PLSCR5: variants seen among roughly 807,000 people sequenced by gnomAD.
The protein encoded by PLSCR5 is phospholipid scramblase family, member 5.
PLSCR5 carries 44 observed loss-of-function variants against 33.6 expected under a neutral mutation model. That is an observed-to-expected ratio of 1.31 (90% CI 1.03 to 1.69). The LOEUF (loss-of-function observed/expected upper bound fraction) is 1.69, where lower values mean the gene tolerates loss of function less well. Ranked by LOEUF, PLSCR5 falls within the 40% of genes most tolerant of loss-of-function variation. PLSCR5 has a pLI of 0.00. For missense variants in PLSCR5, 375 were observed against 318.7 expected (o/e 1.18, Z -1.34); for synonymous variants, 148 against 112.3 (o/e 1.32, Z -2.01).
chr3:146,603,742 A>C (rs1178548894), intron 1 of PLSCR5, among the ~76,000 whole-genome samples: 1 of 152,122 alleles, frequency 6.6e-6, no homozygotes, highest in Non-Finnish European at 1.5e-5. Flanking sequence ...TACAGTCTAC[A>C]GTATTGCTGT....
rs567026088 is a variant in PLSCR5 at position 146,599,877 on chromosome 3, G to A, written c.189+411C>T. On this transcript the variant is annotated intron_variant, in intron 2 of 7. Coordinates refer to ENST00000443512, the MANE Select transcript of PLSCR5 (RefSeq NM_001085420.2). ...TAGAGACAGGGTTGTATCATGTTGC[G>A]CAGCCTGGTCTGGAACTCCTGGCTT... 5.3e-5 allele frequency among the ~76,000 whole-genome samples: 8 copies of A among 151,882 alleles called. No homozygotes were observed. In the East Asian group the frequency reaches 9.7e-4, roughly 18 times the overall value.
intron 6 of PLSCR5, among the ~76,000 whole-genome samples, chr3:146,588,652 G>A (rs1435956617): frequency 1.3e-5 from 2 of 152,052 alleles, no homozygotes; most frequent in African/African-American, 4.8e-5. Context: ...TCATGATCTT[G>A]GATTTTCTAT....
At chr3:146,591,988 T>A (rs2044720126) in intron 4 of PLSCR5, 107 bp from the exon 5 acceptor site, 1 of 987,758 alleles carries the variant, frequency 1.0e-6, no homozygotes, top group Non-Finnish European at 1.4e-6. Context: ...AAAATTATTT[T>A]GATATTCTAC....
intron 6 of PLSCR5, among the ~76,000 whole-genome samples, chr3:146,587,993 A>G (rs1420329371): frequency 6.6e-6 from 1 of 152,058 alleles, no homozygotes; most frequent in Non-Finnish European, 1.5e-5. Context: ...GACTCAGTAA[A>G]TAGGGCATTA....
chr3:146,581,389 A>G (rs1268171733), downstream of PLSCR5, among the ~76,000 whole-genome samples: 1 of 152,184 alleles, frequency 6.6e-6, no homozygotes, highest in Non-Finnish European at 1.5e-5. Context: ...ACTCTATTCT[A>G]TGTAAGCTCC....
At chr3:146,587,453 G>A (rs901584636) in intron 6 of PLSCR5, among the ~76,000 whole-genome samples, 2 of 152,144 alleles carry the variant, frequency 1.3e-5, no homozygotes, top group Non-Finnish European at 2.9e-5. Flanking sequence ...GAGTAGGGCA[G>A]ATTAAAAAGG....
chr3:146,597,407 T>G (rs966276692), intron 2 of PLSCR5, among the ~76,000 whole-genome samples: 1 of 152,162 alleles, frequency 6.6e-6, no homozygotes, highest in Non-Finnish European at 1.5e-5. Context: ...AATTCTGACA[T>G]GCATTCTATT....
downstream of PLSCR5, among the ~76,000 whole-genome samples, chr3:146,584,854 T>G (rs1442473655): frequency 1.3e-5 from 2 of 152,178 alleles, no homozygotes; most frequent in African/African-American, 4.8e-5. Context: ...CTAACTTGAC[T>G]AACTTAGTAA....
In PLSCR5 at chr3:146,596,684, T is replaced by A. The variant is rs562393131; in HGVS notation, c.190-1601A>T. On this transcript the variant is annotated intron_variant, in intron 2 of 7. Coordinates refer to ENST00000443512, the MANE Select transcript of PLSCR5 (RefSeq NM_001085420.2). ...AACTATTAAACTAACCAGTCATTACTAAAATTTGGTATTGATTGGACATCA... is the reference window on the plus strand; with the variant it reads ...AACTATTAAACTAACCAGTCATTACAAAAATTTGGTATTGATTGGACATCA... Among the ~76,000 whole-genome samples, 8 of 152,334 alleles carry A rather than the reference T, an allele frequency of 5.3e-5. No homozygotes were observed. In the East Asian group the frequency reaches 1.5e-3, roughly 29 times the overall value.
At chr3:146,579,123 A>G (rs1359431912) in intron 7 of PLSCR5, among the ~76,000 whole-genome samples, 1 of 151,940 alleles carries the variant, frequency 6.6e-6, no homozygotes, top group Admixed American at 6.5e-5. Flanking sequence ...CCTATTTTTA[A>G]TGGCAAAAAT....
At chr3:146,583,283 C>T (rs1446326404), downstream of PLSCR5, among the ~76,000 whole-genome samples, 1 of 152,118 alleles carries the variant, frequency 6.6e-6, no homozygotes, top group Admixed American at 6.6e-5. Flanking sequence ...GAAGGGTCTA[C>T]TTATTGGCAT....
chr3:146,603,624 G>A (rs2044838627), intron 1 of PLSCR5, among the ~76,000 whole-genome samples: 1 of 152,066 alleles, frequency 6.6e-6, no homozygotes, highest in Non-Finnish European at 1.5e-5. Context: ...ACAACCAGAT[G>A]AAGAAGGAAC....
chr3:146,595,476 G>A (rs1400106397), intron 2 of PLSCR5, among the ~76,000 whole-genome samples: 2 of 152,144 alleles, frequency 1.3e-5, no homozygotes, highest in Non-Finnish European at 2.9e-5. Flanking sequence ...GGCTGTAGTG[G>A]CGTGCGCCTC....
chr3:146,585,846 T>C lies in PLSCR5; in HGVS notation c.*141A>G. On this transcript the variant is annotated 3_prime_UTR_variant, in exon 8 of 8. Transcript: ENST00000443512. ...ATTCACAACTAGATAATTGCCTCAT[T>C]AAACTGTTTTAATAAATATAATAAT... 2.9e-6 allele frequency: 1 copy of C among 347,564 alleles called. No individual in the cohort carries two copies. The highest frequency in any genetic ancestry group is 5.0e-6 in the Non-Finnish European group (1 of 198,958). The allele number at this position is 347,564 out of a possible 1,614,324, so 21.5% of individuals were successfully genotyped here. A position where few individuals can be genotyped will look rare whatever the true frequency, so the allele number is the denominator to read the frequency against.
chr3:146,595,249 C>T (rs6787741), intron 2 of PLSCR5, among the ~76,000 whole-genome samples, 166 bp from the exon 3 acceptor site: 43,307 of 151,812 alleles, frequency 0.29, 6,328 homozygotes, highest in African/African-American at 0.36. Flanking sequence ...TGCAAAAGAA[C>T]GTAATTTTTT....
At chr3:146,602,711 T>G (rs1164822642) in intron 1 of PLSCR5, among the ~76,000 whole-genome samples, 1 of 152,116 alleles carries the variant, frequency 6.6e-6, no homozygotes, top group Non-Finnish European at 1.5e-5. Flanking sequence ...GTTAAAGGGA[T>G]TCACAAATTA....
intron 2 of PLSCR5, among the ~76,000 whole-genome samples, 186 bp from the exon 3 acceptor site, chr3:146,595,269 AAAG>A (rs1175898967): frequency 6.6e-6 from 1 of 152,016 alleles, no homozygotes; most frequent in African/African-American, 2.4e-5. Flanking sequence ...TTTTTAATTT[AAAG>A]AAGAATTTAG....
chr3:146,591,690 T>C (rs753206169), intron 5 of PLSCR5, 30 bp downstream of exon 5: 4 of 1,585,796 alleles, frequency 2.5e-6, no homozygotes, highest in Non-Finnish European at 3.4e-6. Context: ...AGGACCTAAA[T>C]GAAAACTTCT....
At chr3:146,576,648 G>GA (rs2044599426) in exon 8 of PLSCR5, 1 of 151,982 alleles carries the variant, frequency 6.6e-6, no homozygotes, top group African/African-American at 2.4e-5. Flanking sequence ...ATGCACAGTT[G>GA]AAACCCTCTG....
Sources: allele counts gnomAD v4.1 joint callset (sites outside exome capture counted in the v4.1 genomes callset), GRCh38; gene constraint gnomAD v4.1.1; transcripts MANE v1.5; gene names NCBI Gene and HGNC (gene_info 2026-07-23, HGNC 2026-07-21).